Variants in RDX observed in about 807,000 individuals in gnomAD.
RDX encodes the protein radixin.
In RDX, 32 loss-of-function variants were observed where a neutral mutation model predicts 83.7. The ratio of observed to expected loss-of-function variants is 0.38; its 90% confidence interval spans 0.29 to 0.51. The LOEUF (loss-of-function observed/expected upper bound fraction) is 0.51, where lower values mean the gene tolerates loss of function less well. RDX is among the 20% of genes least tolerant of loss of function. The pLI, the probability that RDX is intolerant of heterozygous loss-of-function variation, is 0.87. For missense variants in RDX, 600 were observed against 689.9 expected, an observed-to-expected ratio of 0.87 and a Z score of 1.46; for synonymous variants, 229 against 222.7, an observed-to-expected ratio of 1.03 and a Z score of -0.25.
chr11:110,182,839 A>G (rs1305990156), intron 15 of RDX, among the ~76,000 whole-genome samples: 1 of 152,214 alleles, frequency 6.6e-6, no homozygotes, highest in African/African-American at 2.4e-5. Context: ...GGAACTGAAG[A>G]TGAGTTCTGA....
chr11:110,251,063 G>A (rs188317690), intron 9 of RDX, among the ~76,000 whole-genome samples: 3 of 152,180 alleles, frequency 2.0e-5, no homozygotes, highest in African/African-American at 7.2e-5. Flanking sequence ...TCTTCTGAAC[G>A]TATCTCTTGC....
At chr11:110,268,054 A>C (rs1381877045) in intron 3 of RDX, among the ~76,000 whole-genome samples, 1 of 152,190 alleles carries the variant, frequency 6.6e-6, no homozygotes, top group African/African-American at 2.4e-5. Context: ...TCACGCCTGT[A>C]ATCTCGGCAC....
chr11:110,294,380 C>A lies in RDX; in HGVS notation c.-65+2087G>T, dbSNP rs11213341. ...CTGCATATCACCCTGGGAGACAGAG[C>A]GAGATGGGCTAACTGGATTAAAATA... On this transcript the variant is annotated intron_variant, in intron 1 of 13. Coordinates refer to ENST00000645495, the MANE Select transcript of RDX (RefSeq NM_002906.4). Among the ~76,000 whole-genome samples, 100 of 152,232 alleles carry A rather than the reference C, an allele frequency of 6.6e-4. No homozygotes were observed. The East Asian group carries it at 0.017, about 26-fold the overall frequency.
chr11:110,179,616 T>C (rs2134215265), intron 15 of RDX, among the ~76,000 whole-genome samples: 1 of 152,132 alleles, frequency 6.6e-6, no homozygotes, highest in South Asian at 2.1e-4. Context: ...CTACTAAAAA[T>C]ACAAAAATTA....
At chr11:110,212,161 C>T (rs1210808757) in intron 14 of RDX, among the ~76,000 whole-genome samples, 9 of 149,844 alleles carry the variant, frequency 6.0e-5, no homozygotes, top group East Asian at 2.0e-4. Context: ...ATATCACCAC[C>T]GATCCCACAG....
intron 15 of RDX, among the ~76,000 whole-genome samples, chr11:110,179,155 G>C (rs1270194596): frequency 6.6e-6 from 1 of 152,212 alleles, no homozygotes; most frequent in African/African-American, 2.4e-5. Context: ...GTCCACCCAA[G>C]GGCCAGAAGC....
At chr11:110,268,060 G>A (rs572999909) in intron 3 of RDX, among the ~76,000 whole-genome samples, 13 of 151,840 alleles carry the variant, frequency 8.6e-5, no homozygotes, top group Non-Finnish European at 1.8e-4. Flanking sequence ...CTGTAATCTC[G>A]GCACTTTGGG....
intron 14 of RDX, among the ~76,000 whole-genome samples, chr11:110,223,767 G>C (rs781231814): frequency 7.9e-5 from 12 of 152,090 alleles, no homozygotes; most frequent in Admixed American, 1.3e-4. Context: ...TACAGTTTTT[G>C]ACTTTTAAAA....
chr11:110,175,267 A>G (rs1019973242), intron 15 of RDX: 1 of 152,166 alleles, frequency 6.6e-6, no homozygotes, highest in Non-Finnish European at 1.5e-5. Context: ...TTTATTTCTA[A>G]TGTTTCCAAT....
intron 10 of RDX, among the ~76,000 whole-genome samples, chr11:110,245,872 A>G (rs1470573751): frequency 6.6e-6 from 1 of 152,196 alleles, no homozygotes; most frequent in Non-Finnish European, 1.5e-5. Flanking sequence ...TCTGTGGTTT[A>G]TCTTCTTGAA....
chr11:110,232,775 C>T (rs1864691168), intron 13 of RDX, among the ~76,000 whole-genome samples: 1 of 152,142 alleles, frequency 6.6e-6, no homozygotes, highest in Non-Finnish European at 1.5e-5. Flanking sequence ...CCACCATACC[C>T]GGCTAATTTT....
intron 3 of RDX, among the ~76,000 whole-genome samples, chr11:110,267,910 T>C (rs1196703779): frequency 1.3e-5 from 2 of 150,218 alleles, no homozygotes; most frequent in African/African-American, 2.5e-5. Flanking sequence ...GCTGTGATTA[T>C]GCCACTGCAC....
rs981436320 is a variant in RDX, at chr11:110,296,587, G to GCCGCCA, written c.-191_-186dup. ...TGGCCCGCGGGAGACGAGAGGCGCC[G>GCCGCCA]CCGCCACCGCAGACAGCTCCGCAAT... On this transcript the variant is annotated 5_prime_UTR_variant, in exon 1 of 14. Coordinates refer to ENST00000645495, the MANE Select transcript of RDX (RefSeq NM_002906.4). 1 of 151,030 alleles carries GCCGCCA rather than the reference G, an allele frequency of 6.6e-6. No individual in the cohort carries two copies. Among genetic ancestry groups the GCCGCCA allele is most frequent in the Non-Finnish European group, 1.5e-5 (1 of 67,678 alleles). The allele number at this position is 151,030 out of a possible 1,614,324, so 9.4% of individuals were successfully genotyped here.
intron 15 of RDX, among the ~76,000 whole-genome samples, chr11:110,183,311 T>C (rs540663323): frequency 6.6e-6 from 1 of 152,258 alleles, no homozygotes; most frequent in East Asian, 1.9e-4. Flanking sequence ...CTGCTATTAA[T>C]ATATGTATAT....
Position 110,237,514 on chromosome 11 carries a change from T to C in RDX, c.1229A>G (p.Gln410Arg), listed in dbSNP as rs1298544556. The C allele has an allele frequency of 6.2e-7, 1 of 1,612,798 alleles. No individual in the cohort carries two copies. ...KSAIAKQAAD[Q>R]MKNQEQLAAE... The stretch of plus-strand genomic sequence containing the variant: ...TACTAGCTGCTCCTGATTCTTCATC[T>C]GGTCGGCAGCTTGTTTTGCTATGGC... The change falls in exon 11 of 14, where the codon CAG (glutamine) becomes CGG (arginine). Residue 410 changes from glutamine to arginine, a missense_variant. Physicochemically the swap from Gln to Arg is conservative, Grantham distance 43 (BLOSUM62 1). Transcript: ENST00000645495.
chr11:110,285,787 T>A (rs1003799215), intron 1 of RDX, among the ~76,000 whole-genome samples: 1 of 150,506 alleles, frequency 6.6e-6, no homozygotes, highest in Admixed American at 6.6e-5. Context: ...GAAACTGGCA[T>A]CTATTAGTAG....
chr11:110,251,238 C>A (rs1859326425), intron 9 of RDX, among the ~76,000 whole-genome samples: 1 of 152,082 alleles, frequency 6.6e-6, no homozygotes, highest in Non-Finnish European at 1.5e-5. Flanking sequence ...AACTATTATT[C>A]CTTGTATTAA....
chr11:110,204,127 AG>A (rs1459147042), intron 14 of RDX, among the ~76,000 whole-genome samples: 1 of 152,182 alleles, frequency 6.6e-6, no homozygotes, highest in African/African-American at 2.4e-5. Flanking sequence ...ACAGAATAAA[AG>A]TTTTATGGAT....
Position 110,230,600 on chromosome 11 carries a change from A to G in RDX, c.*1269T>C, listed in dbSNP as rs1179521744. The G allele has an allele frequency of 2.0e-5, 3 of 152,408 alleles. No individual in the cohort carries two copies. In the East Asian group the frequency reaches 5.8e-4, roughly 29 times the overall value. 9.4% of individuals were successfully genotyped at this position (152,408 alleles called of 1,614,324 possible). A position where few individuals can be genotyped will look rare whatever the true frequency, so the allele number is the denominator to read the frequency against. On this transcript the variant is annotated 3_prime_UTR_variant, in exon 14 of 14. Transcript: ENST00000645495. ...AGAGTACACACACACACACACACACACACACACACAGTCTCTCTCTCATTC... is the reference window on the plus strand; with the variant it reads ...AGAGTACACACACACACACACACACGCACACACACAGTCTCTCTCTCATTC...
Sources: gnomAD v4.1 joint callset for allele counts (sites outside exome capture counted in the v4.1 genomes callset) on GRCh38, gnomAD v4.1.1 for gene constraint, MANE v1.5 for transcripts, NCBI Gene and HGNC (gene_info 2026-07-23, HGNC 2026-07-21) for gene names.